Variants in DGKI observed in about 807,000 individuals in gnomAD.
DGKI encodes the protein DAG kinase iota.
DGKI carries 55 observed loss-of-function variants against 147.5 expected under a neutral mutation model. The ratio of observed to expected loss-of-function variants is 0.37; its 90% CI spans 0.30 to 0.47. The LOEUF is 0.47. Among genes scored for constraint, DGKI ranks in the 20% least tolerant of loss-of-function variants. DGKI has a pLI of 1.00. For missense variants in DGKI, 1,007 were observed against 1,323.8 expected (o/e 0.76, Z 3.71); for synonymous variants, 469 against 477.1 (o/e 0.98, Z 0.22).
chr7:137,714,305 C>T (rs547121721), intron 1 of DGKI, among the ~76,000 whole-genome samples: 15 of 152,094 alleles, frequency 9.9e-5, no homozygotes, highest in Non-Finnish European at 1.9e-4. Context: ...TGTTTAAAAA[C>T]ATCTAACACA....
At chr7:137,654,679 G>T in intron 5 of DGKI, 53 bp downstream of exon 5, 1 of 1,246,092 alleles carries the variant, frequency 8.0e-7, no homozygotes, top group Non-Finnish European at 1.2e-6. Flanking sequence ...TGAATCCACT[G>T]AATCAATGAG....
At chr7:137,645,170 G>A (rs1821780647) in intron 6 of DGKI, among the ~76,000 whole-genome samples, 1 of 152,228 alleles carries the variant, frequency 6.6e-6, no homozygotes, top group East Asian at 1.9e-4. Context: ...CGATGAGCCA[G>A]TTGTCTTCAT....
At chr7:137,455,435 A>C (rs1814154598) in intron 27 of DGKI, among the ~76,000 whole-genome samples, 1 of 152,160 alleles carries the variant, frequency 6.6e-6, no homozygotes, top group African/African-American at 2.4e-5. Context: ...AGTGTTAGAT[A>C]TTAAGAACTG....
At chr7:137,429,820 C>T (rs1349808189) in intron 28 of DGKI, among the ~76,000 whole-genome samples, 1 of 128,808 alleles carries the variant, frequency 7.8e-6, no homozygotes, top group African/African-American at 3.0e-5. Context: ...CCATCACTGG[C>T]CATCAGAGAA....
In DGKI at chr7:137,491,803, C is replaced by T. The variant is rs553735204; in HGVS notation, c.2249-4114G>A. Among the ~76,000 whole-genome samples the T allele has an allele frequency of 7.7e-4, 117 of 152,312 alleles. No homozygotes were observed. In the South Asian group the frequency reaches 0.013, roughly 17 times the overall value. ...CCAAAGCCCATGCAAACTGCTGCCCCAAAGGGCCTTCCTTAGTCCTATGCC... is the reference window on the plus strand; with the variant it reads ...CCAAAGCCCATGCAAACTGCTGCCCTAAAGGGCCTTCCTTAGTCCTATGCC... On this transcript the variant is annotated intron_variant, in intron 21 of 32. Coordinates refer to ENST00000614521, the MANE Select transcript of DGKI (RefSeq NM_001321708.2).
chr7:137,441,502 C>T (rs141968023), intron 28 of DGKI, among the ~76,000 whole-genome samples: 16 of 150,898 alleles, frequency 1.1e-4, no homozygotes, highest in South Asian at 2.1e-4. Context: ...CCATGAGGTA[C>T]GCAGTTTATG....
chr7:137,566,932 T>C (rs2128973760), intron 19 of DGKI, among the ~76,000 whole-genome samples: 1 of 152,148 alleles, frequency 6.6e-6, no homozygotes, highest in South Asian at 2.1e-4. Flanking sequence ...ATTTAATGCA[T>C]TTATCCTTTA....
At chr7:137,801,659 T>C (rs1489872069) in intron 1 of DGKI, among the ~76,000 whole-genome samples, 1 of 152,190 alleles carries the variant, frequency 6.6e-6, no homozygotes, top group African/African-American at 2.4e-5. Context: ...ATCAGTCTCT[T>C]TTATGATGTA....
chr7:137,444,167 T>C (rs936567601), intron 27 of DGKI, 65 bp from the exon 28 acceptor site: 3 of 1,017,698 alleles, frequency 2.9e-6, no homozygotes, highest in African/African-American at 3.3e-5. Flanking sequence ...TCAAGAATAA[T>C]TTCATAGTAA....
In DGKI at chr7:137,618,140, TATATA is replaced by T. The variant is rs1302683982; in HGVS notation, c.993+1679_993+1683del. ...CTTTCTAAAATACTATATATATATATATATATATATATTTTTTTTTTTTTACTCTA... is the reference window on the plus strand; with the variant it reads ...CTTTCTAAAATACTATATATATATATTATATATTTTTTTTTTTTTACTCTA... On this transcript the variant is annotated intron_variant, in intron 8 of 32. Transcript: ENST00000614521. 1.9e-4 allele frequency among the ~76,000 whole-genome samples: 2 copies of T among 10,776 alleles called. 1 individual carries two copies. The highest frequency in any genetic ancestry group is 5.2e-4 in the African/African-American group (2 of 3,842). The allele number at this position is 10,776 out of a possible 152,430, so 7.1% of individuals were successfully genotyped here.
intron 8 of DGKI, among the ~76,000 whole-genome samples, chr7:137,616,275 G>GTATCATC: frequency 6.6e-6 from 1 of 152,236 alleles, no homozygotes; most frequent in African/African-American, 2.4e-5. Flanking sequence ...CTGCTCATAG[G>GTATCATC]ATACTATGAT....
chr7:137,736,197 C>T (rs1455725586), intron 1 of DGKI, among the ~76,000 whole-genome samples: 1 of 152,092 alleles, frequency 6.6e-6, no homozygotes. Flanking sequence ...TGGTTCCAAT[C>T]TCTTAATAAA....
intron 6 of DGKI, 105 bp from the exon 7 acceptor site, chr7:137,623,659 C>T: frequency 1.1e-6 from 1 of 913,392 alleles, no homozygotes. Flanking sequence ...AAGGCCAGGA[C>T]TGTCACCCAC....
rs975634780 is a variant in DGKI, at chr7:137,435,990, G to A, written c.2761+8087C>T. 4.6e-5 allele frequency among the ~76,000 whole-genome samples: 7 copies of A among 152,152 alleles called. 1 individual carries two copies. The highest frequency in any genetic ancestry group is 1.7e-4 in the African/African-American group (7 of 41,438). On this transcript the variant is annotated intron_variant, in intron 28 of 32. Transcript: ENST00000614521. ...AGGCGAGGTTTCACGATGTTGGCTA[G>A]GCTGGTCTCAAACTCCTCACCTCAG...
At chr7:137,692,593 T>C (rs1823650659) in intron 1 of DGKI, among the ~76,000 whole-genome samples, 1 of 152,208 alleles carries the variant, frequency 6.6e-6, no homozygotes, top group Admixed American at 6.5e-5. Context: ...CGGTTACTCT[T>C]CCTAATTAGG....
At chr7:137,712,108 C>T (rs1794234317) in intron 1 of DGKI, among the ~76,000 whole-genome samples, 1 of 151,992 alleles carries the variant, frequency 6.6e-6, no homozygotes, top group South Asian at 2.1e-4. Flanking sequence ...AGTAAAGATA[C>T]AAATATTTGG....
intron 21 of DGKI, among the ~76,000 whole-genome samples, chr7:137,513,427 T>C (rs1563061635): frequency 6.6e-6 from 1 of 151,932 alleles, no homozygotes; most frequent in Non-Finnish European, 1.5e-5. Flanking sequence ...TCTTACAAAT[T>C]AAAAAAAAGA....
intron 1 of DGKI, among the ~76,000 whole-genome samples, chr7:137,843,688 C>G (rs897797875): frequency 6.6e-6 from 1 of 151,278 alleles, no homozygotes; most frequent in African/African-American, 2.4e-5. Context: ...TGCCCACCCA[C>G]TCCTCATTTA....
chr7:137,512,146 G>C (rs1358956181), intron 21 of DGKI, among the ~76,000 whole-genome samples: 1 of 152,136 alleles, frequency 6.6e-6, no homozygotes, highest in Non-Finnish European at 1.5e-5. Context: ...TTTTAAATTT[G>C]TCTTTATAAA....
Sources: allele counts gnomAD v4.1 joint callset (sites outside exome capture counted in the v4.1 genomes callset), GRCh38; gene constraint gnomAD v4.1.1; transcripts MANE v1.5; gene names NCBI Gene and HGNC (gene_info 2026-07-23, HGNC 2026-07-21).